The following TTC23 variants were observed in gnomAD, a reference collection of about 807,000 sequenced individuals.
The protein encoded by TTC23 is tetratricopeptide repeat domain 23.
Under a neutral mutation model 55.1 loss-of-function variants are expected in TTC23, and 58 were observed. That is an observed-to-expected ratio of 1.05 (90% CI 0.85 to 1.31). The LOEUF (loss-of-function observed/expected upper bound fraction) is 1.31, where lower values mean the gene tolerates loss of function less well. TTC23 is among the 50% of genes most tolerant of loss of function. TTC23 has a pLI of 0.00. For synonymous variants in TTC23, 203 were observed against 199.9 expected (o/e 1.02, Z -0.13); for missense variants, 516 against 534.4 (o/e 0.97, Z 0.34).
At chr15:99,140,030 G>C (rs2068046306) in intron 12 of TTC23, 2 of 238,566 alleles carry the variant, frequency 8.4e-6, no homozygotes, top group African/African-American at 4.5e-5. Context: ...GAAAGAATGA[G>C]GTGGAGAGGT....
intron 8 of TTC23, among the ~76,000 whole-genome samples, chr15:99,205,605 G>C (rs2076563860): frequency 6.7e-6 from 1 of 148,582 alleles, no homozygotes; most frequent in Non-Finnish European, 1.5e-5. Flanking sequence ...TTTTTTTCCA[G>C]ATTGCTAGCT....
chr15:99,231,423 T>C (rs12903958), intron 4 of TTC23, among the ~76,000 whole-genome samples: 18,472 of 152,220 alleles, frequency 0.12, 1,266 homozygotes, highest in Admixed American at 0.19. Flanking sequence ...GGACAAGACA[T>C]GGAGGTGGAA....
intron 10 of TTC23, among the ~76,000 whole-genome samples, chr15:99,162,328 T>A (rs2071481944): frequency 6.6e-6 from 1 of 152,242 alleles, no homozygotes; most frequent in African/African-American, 2.4e-5. Flanking sequence ...ATTGCTGACA[T>A]GCCGCTGAGG....
At chr15:99,211,265 C>T (rs1366395832) in intron 8 of TTC23, among the ~76,000 whole-genome samples, 1 of 152,092 alleles carries the variant, frequency 6.6e-6, no homozygotes, top group Non-Finnish European at 1.5e-5. Flanking sequence ...ATCCCAGCTA[C>T]TTGGGAGGCT....
intron 9 of TTC23, among the ~76,000 whole-genome samples, chr15:99,177,950 C>T (rs1389453259): frequency 1.3e-5 from 2 of 152,080 alleles, no homozygotes; most frequent in Non-Finnish European, 2.9e-5. Flanking sequence ...GAGGCCGAGG[C>T]AGGAGGATCA....
At chr15:99,243,475 G>T (rs1359626592) in intron 2 of TTC23, among the ~76,000 whole-genome samples, 1 of 152,172 alleles carries the variant, frequency 6.6e-6, no homozygotes, top group Non-Finnish European at 1.5e-5. Context: ...ACTACCATAT[G>T]ATCCAGCAGT....
intron 10 of TTC23, among the ~76,000 whole-genome samples, chr15:99,173,025 ACACTGAG>A (rs1387100346): frequency 6.6e-6 from 1 of 152,226 alleles, no homozygotes; most frequent in Non-Finnish European, 1.5e-5. Context: ...TGCAGTGAGT[ACACTGAG>A]CACTGGGTCA....
At chr15:99,177,145 T>A (rs1596424926) in intron 9 of TTC23, among the ~76,000 whole-genome samples, 1 of 152,354 alleles carries the variant, frequency 6.6e-6, no homozygotes, top group East Asian at 1.9e-4. Context: ...TCACCTTACT[T>A]GTCACATGTT....
chr15:99,138,502 C>T (rs1227641129), intron 13 of TTC23, among the ~76,000 whole-genome samples: 7 of 152,078 alleles, frequency 4.6e-5, no homozygotes, highest in Non-Finnish European at 1.0e-4. Context: ...TTAGTAGAGA[C>T]GAAGTTTTGC....
At chr15:99,145,842 ATCC>A (rs1211671710) in intron 12 of TTC23, among the ~76,000 whole-genome samples, 6 of 152,020 alleles carry the variant, frequency 3.9e-5, no homozygotes, top group Admixed American at 6.6e-5. Context: ...GGGAAGGGAG[ATCC>A]TGGGCTTTGC....
At chr15:99,149,083 C>T (rs1017768578) in intron 12 of TTC23, among the ~76,000 whole-genome samples, 1 of 152,162 alleles carries the variant, frequency 6.6e-6, no homozygotes, top group African/African-American at 2.4e-5. Context: ...CCACCGTCGC[C>T]GGGTGGTGCT....
At chr15:99,142,278 G>A (rs2068323015) in intron 12 of TTC23, among the ~76,000 whole-genome samples, 1 of 152,180 alleles carries the variant, frequency 6.6e-6, no homozygotes, top group Non-Finnish European at 1.5e-5. Flanking sequence ...CAGAGCAAGA[G>A]AGGCAAGATG....
chr15:99,215,322 G>A (rs1374001009), intron 8 of TTC23, among the ~76,000 whole-genome samples: 2 of 152,120 alleles, frequency 1.3e-5, no homozygotes, highest in Admixed American at 6.5e-5. Context: ...AAGCAGAGAG[G>A]ATAAAGAGTG....
At chr15:99,199,456 G>A (rs8037950) in intron 9 of TTC23, among the ~76,000 whole-genome samples, 2 of 132,472 alleles carry the variant, frequency 1.5e-5, no homozygotes, top group African/African-American at 3.1e-5. Flanking sequence ...AAGTGTGTGT[G>A]TTTGTGTGTG....
chr15:99,165,948 GT>G (rs1567372528), intron 10 of TTC23, among the ~76,000 whole-genome samples: 2 of 152,202 alleles, frequency 1.3e-5, no homozygotes, highest in African/African-American at 4.8e-5. Flanking sequence ...CTGATTGGGA[GT>G]CAACTGAAGA....
chr15:99,152,911 C>T (rs546887695), intron 12 of TTC23, among the ~76,000 whole-genome samples: 10 of 152,250 alleles, frequency 6.6e-5, no homozygotes, highest in Admixed American at 2.0e-4. Flanking sequence ...GATCCTCCCA[C>T]CTCAGCCTCC....
chr15:99,246,614 CAA>C (rs961175044), intron 1 of TTC23, among the ~76,000 whole-genome samples: 1 of 134,466 alleles, frequency 7.4e-6, no homozygotes, highest in African/African-American at 2.8e-5. Flanking sequence ...CACTCCGTGT[CAA>C]AAAAAAAAAA....
intron 9 of TTC23, among the ~76,000 whole-genome samples, chr15:99,185,827 G>A (rs1313502843): frequency 6.6e-6 from 1 of 152,186 alleles, no homozygotes; most frequent in Non-Finnish European, 1.5e-5. Flanking sequence ...TGGAACTGCT[G>A]CCTTCCTTGT....
intron 9 of TTC23, among the ~76,000 whole-genome samples, chr15:99,195,656 T>C (rs1310397035): frequency 1.3e-5 from 2 of 152,222 alleles, no homozygotes; most frequent in East Asian, 3.9e-4. Flanking sequence ...GGTAAATACA[T>C]GATGTTATAA....
Sources: gnomAD v4.1 joint callset for allele counts (sites outside exome capture counted in the v4.1 genomes callset) on GRCh38, gnomAD v4.1.1 for gene constraint, MANE v1.5 for transcripts, NCBI Gene and HGNC (gene_info 2026-07-23, HGNC 2026-07-21) for gene names.